PLXDC1: variants seen among roughly 807,000 people sequenced by gnomAD.
The protein encoded by PLXDC1 is plexin domain containing 1.
PLXDC1 carries 39 observed loss-of-function variants against 61.3 expected under a neutral mutation model. That is an observed-to-expected ratio of 0.64 (90% CI 0.49 to 0.83). The LOEUF (loss-of-function observed/expected upper bound fraction) is 0.83. Ranked by LOEUF, PLXDC1 falls within the 40% of genes least tolerant of loss-of-function variation. The pLI is 0.00. For missense variants in PLXDC1, 596 were observed against 666.5 expected (o/e 0.89, Z 1.17); for synonymous variants, 212 against 254.5 (o/e 0.83, Z 1.59).
intron 2 of PLXDC1, among the ~76,000 whole-genome samples, chr17:39,128,118 T>TATATAC (rs1911393608): frequency 1.8e-5 from 1 of 56,376 alleles, no homozygotes; most frequent in African/African-American, 6.0e-5. Context: ...TATATATGTA[T>TATATAC]ATATATATGT....
chr17:39,144,075 TCA>T lies in PLXDC1; in HGVS notation c.77-4245_77-4244del, dbSNP rs1912017441. On this transcript the variant is annotated intron_variant, in intron 1 of 13. Coordinates refer to ENST00000315392, the MANE Select transcript of PLXDC1 (RefSeq NM_020405.5). The stretch of plus-strand genomic sequence containing the variant: ...GAGGAGTGTTGGGGATCTTCAGGAT[TCA>T]CAAACCTGGAGCCGAGACAGGAGGC... Among the ~76,000 whole-genome samples, 3 of 151,902 alleles carry T rather than the reference TCA, an allele frequency of 2.0e-5. No homozygotes were observed. In the South Asian group the frequency reaches 6.2e-4, roughly 32 times the overall value.
chr17:39,148,223 A>T (rs990838669), intron 1 of PLXDC1, among the ~76,000 whole-genome samples: 1 of 151,942 alleles, frequency 6.6e-6, no homozygotes, highest in African/African-American at 2.4e-5. Flanking sequence ...TCCTTTTTTT[A>T]AAAAAAGATG....
At chr17:39,111,648 A>C (rs891162280) in intron 2 of PLXDC1, 1 of 152,330 alleles carries the variant, frequency 6.6e-6, no homozygotes, top group Admixed American at 6.5e-5. Flanking sequence ...ACCCCCTGCA[A>C]GTGGCCTCCA....
chr17:39,147,891 A>G (rs1389924740), intron 1 of PLXDC1, among the ~76,000 whole-genome samples: 1 of 152,156 alleles, frequency 6.6e-6, no homozygotes, highest in Non-Finnish European at 1.5e-5. Context: ...CTTCATGGAG[A>G]CATACAAAAT....
chr17:39,090,891 C>A (rs58453897), intron 7 of PLXDC1, among the ~76,000 whole-genome samples: 4 of 137,560 alleles, frequency 2.9e-5, no homozygotes, highest in African/African-American at 1.1e-4. Flanking sequence ...CCCTCTGTCT[C>A]TCTCTCTCTA....
In PLXDC1 at chr17:39,063,340, C is replaced by A; in HGVS notation, c.*4500G>T. The A allele has an allele frequency of 3.2e-6, 2 of 634,574 alleles. No individual in the cohort carries two copies. Among genetic ancestry groups the A allele is most frequent in the Non-Finnish European group, 2.8e-6 (1 of 355,862 alleles). The allele number at this position is 634,574 out of a possible 1,614,324, so 39.3% of individuals were successfully genotyped here. A position where few individuals can be genotyped will look rare whatever the true frequency, so the allele number is the denominator to read the frequency against. ...CTTTCTCAGATTTATTGTATGTCCT[C>A]AGACAGTAGATAAAAATGCATGGGG... is the stretch of plus-strand genomic sequence containing the variant. On this transcript the variant is annotated 3_prime_UTR_variant, in exon 14 of 14. Transcript: ENST00000315392.
intron 8 of PLXDC1, among the ~76,000 whole-genome samples, chr17:39,086,134 C>G (rs1485590238): frequency 8.5e-5 from 13 of 152,222 alleles, no homozygotes; most frequent in Non-Finnish European, 1.9e-4. Flanking sequence ...CAGCCCTGCC[C>G]TTGGATGTCC....
At chr17:39,152,660 G>C, upstream of PLXDC1, 1 of 1,239,358 alleles carries the variant, frequency 8.1e-7, no homozygotes, top group Non-Finnish European at 1.0e-6. Context: ...GGAGAGGAAG[G>C]GTGCGAACGC....
rs1327987323 is a variant in PLXDC1 at position 39,115,773 on chromosome 17, A to G, written c.256-6382T>C. ...TACTGCAGGGCAACCCTAGGAGGTG[A>G]GCACTAATATTAGTCCCATTTTCTC... On this transcript the variant is annotated intron_variant, in intron 2 of 13. Transcript: ENST00000315392. 5.3e-5 allele frequency among the ~76,000 whole-genome samples: 8 copies of G among 152,120 alleles called. 1 individual carries two copies. The highest frequency in any genetic ancestry group is 5.2e-4 in the Admixed American group (8 of 15,270).
chr17:39,109,925 G>A lies in PLXDC1; in HGVS notation c.256-534C>T, dbSNP rs377224770. On this transcript the variant is annotated intron_variant, in intron 2 of 13. Coordinates refer to ENST00000315392, the MANE Select transcript of PLXDC1 (RefSeq NM_020405.5). ...TGGGAGGCCGAGGCGGGCGGATCAC[G>A]GGAGGTCAGGAGTTCGAGACCAGCC... Among the ~76,000 whole-genome samples the A allele has an allele frequency of 7.9e-5, 12 of 152,098 alleles. No homozygotes were observed. The East Asian group carries it at 1.4e-3, about 17-fold the overall frequency.
chr17:39,106,698 G>A (rs556297409), intron 6 of PLXDC1, among the ~76,000 whole-genome samples: 2 of 136,784 alleles, frequency 1.5e-5, no homozygotes, highest in East Asian at 4.3e-4. Flanking sequence ...TGCCCAGGCT[G>A]GAGTGCAGTG....
At chr17:39,112,955 A>C (rs1382860533) in intron 2 of PLXDC1, 3 of 152,238 alleles carry the variant, frequency 2.0e-5, no homozygotes, top group Non-Finnish European at 2.9e-5. Context: ...GATATGTTCA[A>C]GTGTGAACCT....
At chr17:39,078,169 G>A (rs975694325) in intron 10 of PLXDC1, 121 bp from the exon 11 acceptor site, 5 of 955,188 alleles carry the variant, frequency 5.2e-6, no homozygotes, top group Non-Finnish European at 7.7e-6. Context: ...CTCAAGGAAG[G>A]GGCTGAGATG....
intron 2 of PLXDC1, among the ~76,000 whole-genome samples, chr17:39,131,262 G>A (rs533998455): frequency 6.6e-6 from 1 of 152,096 alleles, no homozygotes; most frequent in Non-Finnish European, 1.5e-5. Flanking sequence ...CAGGACTGCC[G>A]GGCTCCTCCA....
At chr17:39,117,396 G>A (rs1243321485) in intron 2 of PLXDC1, among the ~76,000 whole-genome samples, 2 of 152,136 alleles carry the variant, frequency 1.3e-5, no homozygotes, top group Admixed American at 6.6e-5. Context: ...AAGGCTGTAA[G>A]GTAAAATATA....
chr17:39,142,090 C>A (rs1911953554), intron 1 of PLXDC1, among the ~76,000 whole-genome samples: 1 of 152,140 alleles, frequency 6.6e-6, no homozygotes, highest in Non-Finnish European at 1.5e-5. Context: ...TTGGCCCCTG[C>A]TCACTAAATG....
chr17:39,112,151 G>A (rs1910826217), intron 2 of PLXDC1: 1 of 152,362 alleles, frequency 6.6e-6, no homozygotes, highest in African/African-American at 2.4e-5. Context: ...CAAAGGAAGA[G>A]TCCGATGGCC....
Position 39,108,282 on chromosome 17 carries a change from G to T in PLXDC1, c.470-37C>A, listed in dbSNP as rs779794550. 2.5e-6 allele frequency: 4 copies of T among 1,609,580 alleles called. No homozygotes were observed. The Admixed American group carries it at 6.7e-5, about 27-fold the overall frequency. On this transcript the variant is annotated intron_variant, in intron 4 of 13. Transcript: ENST00000315392. ...GAGGTGCAGAGGAGTCACCAGAAAT[G>T]GCCCAGAGGGGCCGCTTTGGGGGCC...
intron 7 of PLXDC1, among the ~76,000 whole-genome samples, chr17:39,104,133 T>C (rs1910517071): frequency 6.6e-6 from 1 of 152,220 alleles, no homozygotes; most frequent in African/African-American, 2.4e-5. Context: ...GAGATATTCT[T>C]ATACCGGACT....
Sources: gnomAD v4.1 joint callset for allele counts (sites outside exome capture counted in the v4.1 genomes callset) on GRCh38, gnomAD v4.1.1 for gene constraint, MANE v1.5 for transcripts, NCBI Gene and HGNC (gene_info 2026-07-23, HGNC 2026-07-21) for gene names.